The following SLC18A2 variants were observed in gnomAD, a reference collection of about 807,000 sequenced individuals.
SLC18A2 encodes solute carrier family 18 member A2.
SLC18A2 carries 33 observed loss-of-function variants against 59.2 expected under a neutral mutation model. The ratio of observed to expected loss-of-function variants is 0.56; its 90% CI spans 0.42 to 0.75. The LOEUF (loss-of-function observed/expected upper bound fraction) is 0.75, where lower values mean the gene tolerates loss of function less well. Among genes scored for constraint, SLC18A2 ranks in the 30% least tolerant of loss-of-function variants. The pLI is 0.00. For missense variants in SLC18A2, 569 were observed against 668.6 expected (o/e 0.85, Z 1.64); for synonymous variants, 228 against 253.5 (o/e 0.90, Z 0.95).
rs1235031301 is a variant in SLC18A2, at chr10:117,262,186, TG to T, written c.991+4295del. ...TCCCGAAGTGCTGGGATTACAGGCG[TG>T]AGCCACCGCATCCTGCCCAAAGGGT... On this transcript the variant is annotated intron_variant, in intron 10 of 15. Coordinates refer to ENST00000644641, the MANE Select transcript of SLC18A2 (RefSeq NM_003054.6). 9.2e-5 allele frequency among the ~76,000 whole-genome samples: 14 copies of T among 152,212 alleles called. 1 individual carries two copies. The highest frequency in any genetic ancestry group is 1.8e-4 in the Non-Finnish European group (12 of 68,048).
At chr10:117,252,274 A>G (rs1247832755) in intron 3 of SLC18A2, among the ~76,000 whole-genome samples, 1 of 148,218 alleles carries the variant, frequency 6.7e-6, no homozygotes, top group East Asian at 2.1e-4. Context: ...ATGAGCCATC[A>G]TGCTCAGCCG....
intron 2 of SLC18A2, among the ~76,000 whole-genome samples, chr10:117,243,404 C>A (rs1844076167): frequency 6.6e-6 from 1 of 152,128 alleles, no homozygotes; most frequent in Non-Finnish European, 1.5e-5. Flanking sequence ...ACAGCAGCTG[C>A]CTTTTGAGAG....
intron 10 of SLC18A2, 130 bp from the exon 11 acceptor site, chr10:117,266,603 C>G (rs984023030): frequency 1.3e-5 from 9 of 707,672 alleles, no homozygotes; most frequent in Admixed American, 2.6e-5. Flanking sequence ...CGGATATTAG[C>G]TGCTGGGGTG....
At chr10:117,256,039 T>C (rs976742300) in intron 9 of SLC18A2, among the ~76,000 whole-genome samples, 5 of 152,014 alleles carry the variant, frequency 3.3e-5, no homozygotes, top group Non-Finnish European at 7.4e-5. Context: ...AAGGCAAGGG[T>C]CCCCGGTGGG....
At chr10:117,253,723 A>G (rs374325059) in intron 4 of SLC18A2, among the ~76,000 whole-genome samples, 1 of 152,158 alleles carries the variant, frequency 6.6e-6, no homozygotes, top group Non-Finnish European at 1.5e-5. Context: ...GCATGCACCT[A>G]TAGTCCCAGC....
At chr10:117,259,742 G>A (rs1844273043) in intron 10 of SLC18A2, among the ~76,000 whole-genome samples, 1 of 152,208 alleles carries the variant, frequency 6.6e-6, no homozygotes, top group Non-Finnish European at 1.5e-5. Flanking sequence ...CTCTGTAGGA[G>A]CCCGAGGGAC....
intron 10 of SLC18A2, among the ~76,000 whole-genome samples, chr10:117,265,125 A>G (rs192272314): frequency 8.0e-4 from 122 of 152,382 alleles, no homozygotes; most frequent in Non-Finnish European, 1.4e-3. Flanking sequence ...GCTAAGCATG[A>G]CAGAAATAAT....
At chr10:117,241,594 C>T in intron 1 of SLC18A2, 85 bp from the exon 2 acceptor site, 1 of 1,383,418 alleles carries the variant, frequency 7.2e-7, no homozygotes, top group Non-Finnish European at 9.4e-7. Context: ...GCGCGGCTCC[C>T]TGACCCGCCC....
rs1844408284 is a variant in SLC18A2, at chr10:117,270,116, A to T, written c.1232A>T (p.Asp411Val). 6.2e-7 allele frequency: 1 copy of T among 1,614,196 alleles called. No homozygotes were observed. Among genetic ancestry groups the T allele is most frequent in the Non-Finnish European group, 8.5e-7 (1 of 1,180,016 alleles). The change falls in exon 14 of 16, where the codon GAC becomes GTC. Residue 411 changes from aspartate to valine, a missense_variant. Asp to Val is a radical substitution (Grantham distance 152). Coordinates refer to ENST00000644641, the MANE Select transcript of SLC18A2 (RefSeq NM_003054.6). Reference sequence around the variant, plus strand: ...ATGCCTATCATGGGCTACCTCGTAGACCTGCGGCACGTGTCCGTCTATGGG... The same window carrying T: ...ATGCCTATCATGGGCTACCTCGTAGTCCTGCGGCACGTGTCCGTCTATGGG... ...SMMPIMGYLV[D>V]LRHVSVYGSV...
intron 10 of SLC18A2, among the ~76,000 whole-genome samples, chr10:117,261,410 C>A (rs1395342150): frequency 6.6e-6 from 1 of 152,122 alleles, no homozygotes; most frequent in African/African-American, 2.4e-5. Flanking sequence ...TGGGTTCAAG[C>A]AATTCTCCCT....
intron 15 of SLC18A2, among the ~76,000 whole-genome samples, chr10:117,273,086 A>G (rs1206948784): frequency 6.6e-6 from 1 of 152,224 alleles, no homozygotes; most frequent in African/African-American, 2.4e-5. Context: ...AGGTGTTTGG[A>G]CTTAAGCTGT....
chr10:117,252,446 T>C (rs1844174260), intron 3 of SLC18A2, among the ~76,000 whole-genome samples: 1 of 152,080 alleles, frequency 6.6e-6, no homozygotes, highest in African/African-American at 2.4e-5. Context: ...TGTTTCAGGC[T>C]CTTCTGGGTT....
intron 10 of SLC18A2, among the ~76,000 whole-genome samples, chr10:117,265,223 G>A (rs184329710): frequency 2.0e-5 from 3 of 152,272 alleles, no homozygotes; most frequent in Admixed American, 2.0e-4. Flanking sequence ...TTTAGCTCAT[G>A]GAGCCATTTA....
Position 117,270,316 on chromosome 10 carries a change from C to A in SLC18A2, c.1307-14C>A. The A allele has an allele frequency of 1.2e-6, 2 of 1,614,134 alleles. No homozygotes were observed. The highest frequency in any genetic ancestry group is 2.2e-5 in the South Asian group (2 of 91,028). The stretch of plus-strand genomic sequence containing the variant: ...ATTTGGAAGAGCTTTATCTAATTCT[C>A]TGTTTCCTGAAAGGTCCTTCTGCTG... On this transcript the variant is annotated splice_polypyrimidine_tract_variant and intron_variant, in intron 14 of 15. Coordinates refer to ENST00000644641, the MANE Select transcript of SLC18A2 (RefSeq NM_003054.6).
At chr10:117,260,535 T>G (rs553437407) in intron 10 of SLC18A2, among the ~76,000 whole-genome samples, 46 of 152,364 alleles carry the variant, frequency 3.0e-4, no homozygotes, top group Non-Finnish European at 4.4e-4. Flanking sequence ...AGAATTTTCT[T>G]CTATTCCTTT....
At chr10:117,267,844 A>C in intron 13 of SLC18A2, 108 bp downstream of exon 13, 2 of 809,530 alleles carry the variant, frequency 2.5e-6, no homozygotes, top group East Asian at 5.2e-5. Flanking sequence ...CCAGAATCTT[A>C]GAAGGAGGCT....
intron 15 of SLC18A2, among the ~76,000 whole-genome samples, chr10:117,274,224 C>T (rs1433054119): frequency 6.6e-6 from 1 of 152,070 alleles, no homozygotes; most frequent in African/African-American, 2.4e-5. Context: ...AGCCAGTGAG[C>T]TAGGTTTTAA....
In SLC18A2 at chr10:117,254,045, C is replaced by T. The variant is rs555460715; in HGVS notation, c.524-3C>T. ...TGCGGTCTTGGACCCCCTCTCTCGG[C>T]AGTGTTTGCCTTCTCCAGCAGCTAT... On this transcript the variant is annotated splice_polypyrimidine_tract_variant and splice_region_variant and intron_variant, in intron 4 of 15. Transcript: ENST00000644641. The T allele has an allele frequency of 1.2e-6, 2 of 1,613,204 alleles. No individual in the cohort carries two copies. Among genetic ancestry groups the T allele is most frequent in the South Asian group, 1.1e-5 (1 of 91,086 alleles).
chr10:117,261,545 T>C (rs1403219167), intron 10 of SLC18A2, among the ~76,000 whole-genome samples: 1 of 152,238 alleles, frequency 6.6e-6, no homozygotes, highest in Non-Finnish European at 1.5e-5. Flanking sequence ...ACATTTTCAA[T>C]GTCCCCAACC....
Sources: allele counts gnomAD v4.1 joint callset (sites outside exome capture counted in the v4.1 genomes callset), GRCh38; gene constraint gnomAD v4.1.1; transcripts MANE v1.5; gene names NCBI Gene and HGNC (gene_info 2026-07-23, HGNC 2026-07-21).